PKHD1: variants seen among roughly 807,000 people sequenced by gnomAD.
The protein encoded by PKHD1 is PKHD1 ciliary IPT domain containing fibrocystin/polyductin, also known as fibrocystin.
In PKHD1, 291 loss-of-function variants were observed where a neutral mutation model predicts 412.0. The ratio of observed to expected loss-of-function variants is 0.71; its 90% CI spans 0.64 to 0.78. The LOEUF (loss-of-function observed/expected upper bound fraction) is 0.78. Among genes scored for constraint, PKHD1 ranks in the 30% least tolerant of loss-of-function variants. The probability of loss-of-function intolerance (pLI) is 0.00; values close to 1 mark genes in which losing one functional copy is unlikely to be tolerated. For synonymous variants in PKHD1, 1,777 were observed against 1,821.5 expected, an observed-to-expected ratio of 0.98 and a Z score of 0.62; for missense variants, 4,825 against 4,950.7, an observed-to-expected ratio of 0.97 and a Z score of 0.76.
intron 51 of PKHD1, 88 bp downstream of exon 51, chr6:51,836,316 A>C: frequency 2.3e-6 from 2 of 883,698 alleles, no homozygotes. Flanking sequence ...CTGCCTGTTT[A>C]TTAACAGTAT....
chr6:51,978,224 C>T (rs1449104929), intron 35 of PKHD1, among the ~76,000 whole-genome samples: 3 of 152,300 alleles, frequency 2.0e-5, no homozygotes, highest in Non-Finnish European at 4.4e-5. Context: ...GTTTCCAAGC[C>T]ATCTAGGGGT....
chr6:52,040,447 G>T (rs1333902828), intron 27 of PKHD1, among the ~76,000 whole-genome samples: 4 of 152,046 alleles, frequency 2.6e-5, no homozygotes, highest in Admixed American at 1.3e-4. Context: ...TTCTCACACA[G>T]CAGCCTAAGT....
At chr6:52,010,515 AT>A in intron 34 of PKHD1, 56 bp from the exon 35 acceptor site, 1 of 1,343,680 alleles carries the variant, frequency 7.4e-7, no homozygotes, top group Non-Finnish European at 1.1e-6. Flanking sequence ...AAATGCAATT[AT>A]TTTTACTCTT....
At chr6:51,849,359 G>A (rs931926829) in intron 49 of PKHD1, among the ~76,000 whole-genome samples, 3 of 152,154 alleles carry the variant, frequency 2.0e-5, no homozygotes, top group South Asian at 4.1e-4. Context: ...AAACATACAT[G>A]TGCATGTGTC....
intron 23 of PKHD1, among the ~76,000 whole-genome samples, chr6:52,047,201 G>A (rs1805991928): frequency 6.6e-6 from 1 of 152,200 alleles, no homozygotes. Flanking sequence ...TCTTCCATGA[G>A]AAGTAAAATC....
chr6:52,060,763 T>C (rs1183415661), intron 14 of PKHD1, among the ~76,000 whole-genome samples: 1 of 152,188 alleles, frequency 6.6e-6, no homozygotes, highest in African/African-American at 2.4e-5. Flanking sequence ...AATTTTGCTT[T>C]AATGTACATA....
chr6:51,703,436 G>A (rs1029220795), intron 60 of PKHD1, among the ~76,000 whole-genome samples: 2 of 151,744 alleles, frequency 1.3e-5, no homozygotes, highest in Non-Finnish European at 2.9e-5. Context: ...TTATGATTCT[G>A]GTTATTTGAG....
At chr6:51,858,296 T>C (rs1374682859) in intron 48 of PKHD1, among the ~76,000 whole-genome samples, 2 of 152,228 alleles carry the variant, frequency 1.3e-5, no homozygotes, top group Admixed American at 6.5e-5. Flanking sequence ...CCATTTGCGC[T>C]CAGTCATCAT....
In PKHD1 at chr6:51,724,457, A is replaced by G. The variant is rs9370045; in HGVS notation, c.10156+19928T>C. On this transcript the variant is annotated intron_variant, in intron 60 of 66. Coordinates refer to ENST00000371117, the MANE Select transcript of PKHD1 (RefSeq NM_138694.4). Reference sequence around the variant, plus strand: ...TTCTCTATGGCTCCCACTCTTACACACATTAATAAATTTGCATGCCGTTTG... The same window carrying G: ...TTCTCTATGGCTCCCACTCTTACACGCATTAATAAATTTGCATGCCGTTTG... Among the ~76,000 whole-genome samples, 19 of 152,214 alleles carry G rather than the reference A, an allele frequency of 1.2e-4. No individual in the cohort carries two copies. In the East Asian group the frequency reaches 3.7e-3, roughly 29 times the overall value.
intron 64 of PKHD1, among the ~76,000 whole-genome samples, chr6:51,635,873 GGCC>G (rs1162071914): frequency 2.2e-4 from 19 of 84,782 alleles, no homozygotes; most frequent in Middle Eastern, 6.0e-3. Context: ...GGGGGCGGGG[GGCC>G]GGGGGCGGAT....
chr6:51,826,332 T>C (rs896419269), intron 52 of PKHD1, among the ~76,000 whole-genome samples: 5 of 152,222 alleles, frequency 3.3e-5, no homozygotes, highest in South Asian at 4.1e-4. Context: ...ATAAGGACAG[T>C]TCAAAGTAAT....
intron 36 of PKHD1, among the ~76,000 whole-genome samples, chr6:51,952,068 T>TCTAG (rs1790446625): frequency 6.6e-6 from 1 of 152,210 alleles, no homozygotes; most frequent in Non-Finnish European, 1.5e-5. Flanking sequence ...TATCTATCTA[T>TCTAG]CTGTCTGTCT....
chr6:52,059,458 A>T (rs1371867730), intron 15 of PKHD1, among the ~76,000 whole-genome samples: 1 of 151,552 alleles, frequency 6.6e-6, no homozygotes, highest in African/African-American at 2.4e-5. Context: ...CATGTTGCCC[A>T]GGCTGGTCTC....
intron 60 of PKHD1, among the ~76,000 whole-genome samples, chr6:51,723,616 A>T (rs1293437744): frequency 6.6e-6 from 1 of 152,226 alleles, no homozygotes; most frequent in Non-Finnish European, 1.5e-5. Flanking sequence ...AGTGAAAACA[A>T]GATTAAAATA....
At chr6:51,699,144 A>G (rs1460678852) in intron 60 of PKHD1, among the ~76,000 whole-genome samples, 1 of 152,168 alleles carries the variant, frequency 6.6e-6, no homozygotes, top group Non-Finnish European at 1.5e-5. Flanking sequence ...ATGAAGTTCA[A>G]CAAATGTATA....
chr6:51,935,393 CAATAATGTCAA>C (rs1787318462), intron 36 of PKHD1, among the ~76,000 whole-genome samples: 3 of 152,110 alleles, frequency 2.0e-5, no homozygotes, highest in African/African-American at 7.2e-5. Flanking sequence ...AGAATTTTCT[CAATAATGTCAA>C]AATAATTAAA....
chr6:51,925,369 T>C (rs1286464273), intron 37 of PKHD1, among the ~76,000 whole-genome samples: 1 of 152,166 alleles, frequency 6.6e-6, no homozygotes, highest in Non-Finnish European at 1.5e-5. Flanking sequence ...ACTGTGATGG[T>C]TAATTTTGCG....
Position 51,966,437 on chromosome 6 carries a change from G to A in PKHD1, c.5752-6411C>T, listed in dbSNP as rs115180605. 6.7e-3 allele frequency among the ~76,000 whole-genome samples: 1,017 copies of A among 152,242 alleles called. 12 individuals carry two copies. Among genetic ancestry groups the A allele is most frequent in the African/African-American group, 0.023 (942 of 41,536 alleles). ...GGGATAATTTTGACTAGAACGGAAG[G>A]CAGGTTTGCCCTAAGCAGTTCCCAG... On this transcript the variant is annotated intron_variant, in intron 35 of 66. Coordinates refer to ENST00000371117, the MANE Select transcript of PKHD1 (RefSeq NM_138694.4).
At chr6:51,861,253 C>A (rs1193412774) in intron 48 of PKHD1, among the ~76,000 whole-genome samples, 2 of 152,210 alleles carry the variant, frequency 1.3e-5, no homozygotes, top group Non-Finnish European at 2.9e-5. Flanking sequence ...CTGTAAAGAA[C>A]TGTTGAATCC....
Sources: allele counts gnomAD v4.1 joint callset (sites outside exome capture counted in the v4.1 genomes callset), GRCh38; gene constraint gnomAD v4.1.1; transcripts MANE v1.5; gene names NCBI Gene and HGNC (gene_info 2026-07-23, HGNC 2026-07-21).